The following SUCLG2 variants were observed in gnomAD, a reference collection of about 807,000 sequenced individuals.
SUCLG2 encodes succinate--CoA ligase [GDP-forming] subunit beta, mitochondrial.
SUCLG2 carries 42 observed loss-of-function variants against 47.9 expected under a neutral mutation model. The ratio of observed to expected loss-of-function variants is 0.88; its 90% CI spans 0.69 to 1.14. The LOEUF (loss-of-function observed/expected upper bound fraction) is 1.14. SUCLG2 is among the 50% of genes most tolerant of loss of function. SUCLG2 has a pLI of 0.00. For missense variants in SUCLG2, 571 were observed against 525.9 expected (o/e 1.09, Z -0.84); for synonymous variants, 195 against 197.3 (o/e 0.99, Z 0.10).
intron 10 of SUCLG2, among the ~76,000 whole-genome samples, chr3:67,393,954 T>G (rs1406838728): frequency 2.6e-5 from 4 of 152,146 alleles, no homozygotes; most frequent in Non-Finnish European, 4.4e-5. Context: ...GACCTGCAGC[T>G]GAGGGTCCTG....
chr3:67,444,269 C>T (rs1304157192), intron 9 of SUCLG2, among the ~76,000 whole-genome samples: 148 of 63,344 alleles, frequency 2.3e-3, no homozygotes, highest in African/African-American at 8.3e-3. Context: ...CCAGCCACCC[C>T]GTCCAGGAGG....
intron 2 of SUCLG2, among the ~76,000 whole-genome samples, chr3:67,584,120 A>G (rs947696239): frequency 6.6e-6 from 1 of 152,258 alleles, no homozygotes. Flanking sequence ...AGCAGCATTA[A>G]TCGTGATAGC....
chr3:67,508,552 G>A (rs999011051), intron 7 of SUCLG2, among the ~76,000 whole-genome samples: 2 of 152,152 alleles, frequency 1.3e-5, no homozygotes, highest in African/African-American at 4.8e-5. Flanking sequence ...TTACAGGCAT[G>A]AGCCACCACA....
chr3:67,422,060 A>G (rs933018706), intron 9 of SUCLG2, among the ~76,000 whole-genome samples: 1 of 152,208 alleles, frequency 6.6e-6, no homozygotes, highest in African/African-American at 2.4e-5. Context: ...TAAATGCAGA[A>G]CAGAACTGAA....
chr3:67,468,057 G>A (rs1055686466), intron 9 of SUCLG2, among the ~76,000 whole-genome samples: 8 of 152,170 alleles, frequency 5.3e-5, no homozygotes, highest in Admixed American at 1.3e-4. Context: ...AAAGCAGGCC[G>A]GGTGGTGTCA....
At chr3:67,566,745 T>C (rs1314053560) in intron 2 of SUCLG2, among the ~76,000 whole-genome samples, 1 of 152,190 alleles carries the variant, frequency 6.6e-6, no homozygotes, top group Non-Finnish European at 1.5e-5. Flanking sequence ...TATGTTTCTC[T>C]CTGTGGTGAA....
intron 4 of SUCLG2, among the ~76,000 whole-genome samples, chr3:67,526,405 C>G (rs1706257012): frequency 6.6e-6 from 1 of 152,194 alleles, no homozygotes; most frequent in South Asian, 2.1e-4. Flanking sequence ...GTTGGACAAG[C>G]CTGCACTAAT....
chr3:67,609,380 T>C (rs921008239), intron 2 of SUCLG2, 75 bp downstream of exon 2: 144 of 1,517,882 alleles, frequency 9.5e-5, no homozygotes, highest in Non-Finnish European at 1.1e-4. Context: ...CAAAAAAAAT[T>C]AACTAGTGGG....
intron 1 of SUCLG2, among the ~76,000 whole-genome samples, chr3:67,625,667 G>A (rs1331796977): frequency 6.6e-6 from 1 of 152,154 alleles, no homozygotes; most frequent in Non-Finnish European, 1.5e-5. Flanking sequence ...CCTTCTCAGG[G>A]CAGAAGAAAC....
intron 1 of SUCLG2, among the ~76,000 whole-genome samples, chr3:67,615,788 T>G (rs556266833): frequency 4.1e-4 from 63 of 152,228 alleles, no homozygotes; most frequent in African/African-American, 1.5e-3. Flanking sequence ...CCCCATTCTC[T>G]GACCTGGAAA....
intron 1 of SUCLG2, among the ~76,000 whole-genome samples, chr3:67,646,695 A>T (rs1335071341): frequency 6.6e-6 from 1 of 152,194 alleles, no homozygotes; most frequent in Non-Finnish European, 1.5e-5. Context: ...AGTAATTGTC[A>T]CAAGATCACA....
chr3:67,581,708 T>C (rs930111182), intron 2 of SUCLG2, among the ~76,000 whole-genome samples: 3 of 152,266 alleles, frequency 2.0e-5, no homozygotes, highest in African/African-American at 7.2e-5. Flanking sequence ...AAATGACGCC[T>C]AACTCGAGTA....
intron 1 of SUCLG2, among the ~76,000 whole-genome samples, chr3:67,611,726 T>C (rs1212126050): frequency 6.6e-6 from 1 of 152,206 alleles, no homozygotes; most frequent in Non-Finnish European, 1.5e-5. Context: ...TTGTGGTCAA[T>C]TCCTTTTCAT....
chr3:67,434,987 A>C (rs1703580417), intron 9 of SUCLG2, among the ~76,000 whole-genome samples: 1 of 152,228 alleles, frequency 6.6e-6, no homozygotes, highest in African/African-American at 2.4e-5. Context: ...TCTGTGAATA[A>C]TGTACTTGTG....
chr3:67,580,939 G>C (rs1477818645), intron 2 of SUCLG2, among the ~76,000 whole-genome samples: 2 of 152,154 alleles, frequency 1.3e-5, no homozygotes, highest in Non-Finnish European at 2.9e-5. Context: ...TATATGAACA[G>C]GAAGCCTGGG....
At chr3:67,394,106 G>T (rs1364603955) in intron 10 of SUCLG2, among the ~76,000 whole-genome samples, 1 of 152,126 alleles carries the variant, frequency 6.6e-6, no homozygotes, top group Non-Finnish European at 1.5e-5. Flanking sequence ...ACTCTAAAAA[G>T]CAGAGCACCT....
chr3:67,580,460 A>C (rs527255087), intron 2 of SUCLG2, among the ~76,000 whole-genome samples: 1 of 152,292 alleles, frequency 6.6e-6, no homozygotes, highest in South Asian at 2.1e-4. Context: ...ATTGAGGAAA[A>C]GAGTGCTAAA....
intron 1 of SUCLG2, among the ~76,000 whole-genome samples, chr3:67,638,713 T>C (rs1701048891): frequency 6.6e-6 from 1 of 152,218 alleles, no homozygotes; most frequent in Non-Finnish European, 1.5e-5. Context: ...TCACGTAGAC[T>C]TGGGAGTCTG....
chr3:67,623,345 A>G (rs558395447), intron 1 of SUCLG2, among the ~76,000 whole-genome samples: 1 of 152,126 alleles, frequency 6.6e-6, no homozygotes, highest in East Asian at 1.9e-4. Flanking sequence ...CTAAAAATAC[A>G]AAAAAATTAG....
Sources: allele counts gnomAD v4.1 joint callset (sites outside exome capture counted in the v4.1 genomes callset), GRCh38; gene constraint gnomAD v4.1.1; transcripts MANE v1.5; gene names NCBI Gene and HGNC (gene_info 2026-07-23, HGNC 2026-07-21).